Variants in STRN3 observed in about 807,000 individuals in gnomAD.
The protein encoded by STRN3 is striatin-3.
STRN3 carries 29 observed loss-of-function variants against 95.6 expected under a neutral mutation model. That is an observed-to-expected ratio of 0.30 (90% confidence interval 0.23 to 0.41). The LOEUF (loss-of-function observed/expected upper bound fraction) is 0.41. Ranked by LOEUF, STRN3 falls within the 10% of genes least tolerant of loss-of-function variation. The pLI, the probability that STRN3 is intolerant of heterozygous loss-of-function variation, is 1.00. For synonymous variants in STRN3, 331 were observed against 357.6 expected (o/e 0.93, Z 0.84); for missense variants, 890 against 972.1 (o/e 0.92, Z 1.12).
chr14:30,959,058 G>A (rs914790024), intron 1 of STRN3, among the ~76,000 whole-genome samples: 3 of 152,178 alleles, frequency 2.0e-5, no homozygotes, highest in African/African-American at 7.2e-5. Flanking sequence ...TGGGCATGGT[G>A]GCTCACACCT....
At chr14:30,953,135 T>C (rs1006592904) in intron 3 of STRN3, among the ~76,000 whole-genome samples, 2 of 152,212 alleles carry the variant, frequency 1.3e-5, no homozygotes, top group African/African-American at 2.4e-5. Context: ...CCCCTAATGT[T>C]GAAATTAGTT....
intron 1 of STRN3, among the ~76,000 whole-genome samples, chr14:31,021,292 A>C (rs560873112): frequency 6.6e-6 from 1 of 152,330 alleles, no homozygotes; most frequent in East Asian, 1.9e-4. Context: ...TGGCCTCTAC[A>C]GGCAGTCTAA....
chr14:31,022,089 A>T (rs1275253940), intron 1 of STRN3, among the ~76,000 whole-genome samples: 1 of 152,196 alleles, frequency 6.6e-6, no homozygotes, highest in African/African-American at 2.4e-5. Flanking sequence ...TTTATGAAAA[A>T]TCACTGTCGG....
chr14:31,014,716 G>C (rs1278140211), intron 1 of STRN3: 2 of 452,666 alleles, frequency 4.4e-6, no homozygotes, highest in Admixed American at 2.7e-5. Flanking sequence ...TGAACACAAG[G>C]TACTGGTACT....
At chr14:30,924,527 G>A (rs1896971301) in intron 8 of STRN3, among the ~76,000 whole-genome samples, 1 of 151,808 alleles carries the variant, frequency 6.6e-6, no homozygotes, top group African/African-American at 2.4e-5. Flanking sequence ...CTTGACCTCA[G>A]GTGATCTGCC....
intron 1 of STRN3, among the ~76,000 whole-genome samples, chr14:30,986,486 C>G (rs1881700712): frequency 6.6e-6 from 1 of 152,102 alleles, no homozygotes; most frequent in African/African-American, 2.4e-5. Context: ...GACATATTTG[C>G]AAATAAGACA....
chr14:30,929,304 A>C lies in STRN3; in HGVS notation c.996T>G (p.Asp332Glu). Reference protein sequence around the residue: ...SSGDGTEWDKDDLSPTAEVWD... With the variant: ...SSGDGTEWDKEDLSPTAEVWD... ...AAACCTCAGCAGTTGGGGAGAGGTC[A>C]TCTTTATCTACATGCAGCATATTAT... is the stretch of plus-strand genomic sequence containing the variant. Residue 332 changes from aspartate (D) to glutamate (E), a missense_variant, in exon 8 of 18, where the codon GAT becomes GAG. Coordinates refer to ENST00000357479, the MANE Select transcript of STRN3 (RefSeq NM_001083893.2). 6.2e-7 allele frequency: 1 copy of C among 1,612,340 alleles called. No homozygotes were observed. The highest frequency in any genetic ancestry group is 8.5e-7 in the Non-Finnish European group (1 of 1,179,244).
intron 8 of STRN3, among the ~76,000 whole-genome samples, chr14:30,924,295 T>C (rs1896962165): frequency 8.2e-6 from 1 of 121,588 alleles, no homozygotes; most frequent in African/African-American, 3.1e-5. Context: ...ATCTTTTTTT[T>C]TTTTTTTTTT....
At chr14:30,895,851 CT>C in intron 16 of STRN3, 103 bp from the exon 17 acceptor site, 1 of 968,138 alleles carries the variant, frequency 1.0e-6, no homozygotes, top group East Asian at 2.6e-5. Flanking sequence ...ATTATAGCAA[CT>C]TTTTTATTGT....
chr14:30,945,190 C>G (rs1428645757), intron 5 of STRN3, among the ~76,000 whole-genome samples: 2 of 152,138 alleles, frequency 1.3e-5, no homozygotes, highest in Admixed American at 6.5e-5. Context: ...GTGGAGAAAT[C>G]AGAATCCTTT....
At position 31,023,118 on chromosome 14, in the gene STRN3, T is replaced by C. The variant is rs74042111; in HGVS notation, c.282+2786A>G. On this transcript the variant is annotated intron_variant, in intron 1 of 17. Transcript: ENST00000357479. Reference sequence around the variant, plus strand: ...AAAAAAGAAAAGTGTAGTGTAGTAATTTTTCTCTTTAACAGGCACTACTGT... The same window carrying C: ...AAAAAAGAAAAGTGTAGTGTAGTAACTTTTCTCTTTAACAGGCACTACTGT... Among the ~76,000 whole-genome samples the C allele has an allele frequency of 3.8e-3, 578 of 152,314 alleles. 2 individuals are homozygous for C. The highest frequency in any genetic ancestry group is 0.013 in the African/African-American group (543 of 41,574).
chr14:30,912,974 A>G lies in STRN3; in HGVS notation c.1374+550T>C, dbSNP rs184510479. The stretch of plus-strand genomic sequence containing the variant: ...ATAGTTAACTCTCAATTGAAATATT[A>G]ATGACTAGAAAAAATTAAATCCAAG... On this transcript the variant is annotated intron_variant, in intron 10 of 17. Transcript: ENST00000357479. 1.9e-3 allele frequency among the ~76,000 whole-genome samples: 290 copies of G among 152,232 alleles called. 4 individuals carry two copies. The highest frequency in any genetic ancestry group is 1.6e-3 in the Non-Finnish European group (111 of 67,974).
chr14:31,019,900 T>C (rs74646740), intron 1 of STRN3, among the ~76,000 whole-genome samples: 1 of 151,344 alleles, frequency 6.6e-6, no homozygotes. Context: ...TTTTTTTTTT[T>C]CTTTTTTAGA....
intron 1 of STRN3, among the ~76,000 whole-genome samples, chr14:31,000,268 T>A (rs1235130646): frequency 3.3e-5 from 5 of 151,640 alleles, no homozygotes; most frequent in Non-Finnish European, 7.4e-5. Flanking sequence ...GGGGGGAGTC[T>A]TTTTTTCTTC....
chr14:30,918,922 A>G, intron 9 of STRN3, 44 bp downstream of exon 9: 1 of 1,483,452 alleles, frequency 6.7e-7, no homozygotes, highest in East Asian at 2.5e-5. Flanking sequence ...TTTGGATTTA[A>G]GGTCTTCTGA....
chr14:30,978,419 T>C (rs1594529886), intron 1 of STRN3, among the ~76,000 whole-genome samples: 2 of 152,144 alleles, frequency 1.3e-5, no homozygotes, highest in East Asian at 3.8e-4. Context: ...CTTATACCCA[T>C]TCATGACAAA....
chr14:30,974,503 T>G (rs1278872744), intron 1 of STRN3, among the ~76,000 whole-genome samples: 1 of 150,810 alleles, frequency 6.6e-6, no homozygotes, highest in African/African-American at 2.4e-5. Flanking sequence ...ATCCACAGAT[T>G]CAATGCAATC....
In STRN3 at chr14:30,950,910, A is replaced by C. The variant is rs1188692824; in HGVS notation, c.495T>G (p.Pro165=). Residue 165 remains proline, a synonymous_variant, in exon 4 of 18, where the codon CCT becomes CCG. Coordinates refer to ENST00000357479, the MANE Select transcript of STRN3 (RefSeq NM_001083893.2). ...ETKDTEAPTA[P]QNSQLTWKQG... Reference sequence around the variant, plus strand: ...GCTTCCACGTTAACTGGCTATTCTGAGGTGCTGTGGGAGCCTCTGTGTCTT... The same window carrying C: ...GCTTCCACGTTAACTGGCTATTCTGCGGTGCTGTGGGAGCCTCTGTGTCTT... 1.9e-6 allele frequency: 3 copies of C among 1,613,774 alleles called. No homozygotes were observed. The South Asian group carries it at 3.3e-5, about 18-fold the overall frequency.
chr14:30,975,210 A>T (rs915349156), intron 1 of STRN3, among the ~76,000 whole-genome samples: 1 of 151,486 alleles, frequency 6.6e-6, no homozygotes, highest in Admixed American at 6.6e-5. Context: ...ATACCATGGA[A>T]TACTACTCAG....
Sources: gnomAD v4.1 joint callset for allele counts (sites outside exome capture counted in the v4.1 genomes callset) on GRCh38, gnomAD v4.1.1 for gene constraint, MANE v1.5 for transcripts, NCBI Gene and HGNC (gene_info 2026-07-23, HGNC 2026-07-21) for gene names.